STMN2: variants seen among roughly 807,000 people sequenced by gnomAD.
STMN2 encodes stathmin-2.
A neutral mutation model predicts 24.1 loss-of-function variants in STMN2; 2 were observed. The observed-to-expected ratio is 0.08, with a 90% confidence interval of 0.03 to 0.26. The LOEUF (loss-of-function observed/expected upper bound fraction) is 0.26, where lower values mean the gene tolerates loss of function less well. Among genes scored for constraint, STMN2 ranks in the 10% least tolerant of loss-of-function variants. STMN2 has a pLI of 1.00. For synonymous variants in STMN2, 83 were observed against 77.5 expected (o/e 1.07, Z -0.37); for missense variants, 114 against 213.6 (o/e 0.53, Z 2.91).
chr8:79,640,809 T>C (rs904360690), intron 2 of STMN2, among the ~76,000 whole-genome samples: 1 of 152,222 alleles, frequency 6.6e-6, no homozygotes, highest in African/African-American at 2.4e-5. Flanking sequence ...TTGCCAAATA[T>C]GCCCAACTGT....
intron 3 of STMN2, among the ~76,000 whole-genome samples, chr8:79,649,080 T>C (rs1585903799): frequency 6.6e-6 from 1 of 152,296 alleles, no homozygotes; most frequent in East Asian, 1.9e-4. Flanking sequence ...TAAAAGTAGA[T>C]CATTAGTCAC....
chr8:79,656,106 T>C (rs1339934493), intron 4 of STMN2, among the ~76,000 whole-genome samples: 3 of 152,214 alleles, frequency 2.0e-5, no homozygotes, highest in Non-Finnish European at 2.9e-5. Flanking sequence ...GTTTTCATTC[T>C]CAGTCTCTGA....
intron 2 of STMN2, among the ~76,000 whole-genome samples, chr8:79,637,747 C>T (rs1810000099): frequency 6.6e-6 from 1 of 152,118 alleles, no homozygotes; most frequent in African/African-American, 2.4e-5. Context: ...TTCTATGTAT[C>T]CTAGATATCC....
intron 3 of STMN2, among the ~76,000 whole-genome samples, chr8:79,648,455 T>C (rs1230788526): frequency 1.4e-5 from 2 of 138,850 alleles, no homozygotes; most frequent in Non-Finnish European, 3.1e-5. Flanking sequence ...ATACGTTGCT[T>C]TTTTTTTTTT....
intron 1 of STMN2, among the ~76,000 whole-genome samples, chr8:79,615,095 C>T (rs1809353286): frequency 2.0e-5 from 3 of 152,196 alleles, no homozygotes; most frequent in Admixed American, 2.0e-4. Context: ...GAATACCTAG[C>T]AGTAGCTATC....
At chr8:79,633,812 T>A (rs1182976007) in intron 1 of STMN2, among the ~76,000 whole-genome samples, 1 of 152,228 alleles carries the variant, frequency 6.6e-6, no homozygotes, top group Non-Finnish European at 1.5e-5. Flanking sequence ...TAGTAATGAT[T>A]ACTCATTATA....
chr8:79,649,213 A>G (rs1269874967), intron 3 of STMN2, among the ~76,000 whole-genome samples: 4 of 152,028 alleles, frequency 2.6e-5, no homozygotes, highest in Non-Finnish European at 4.4e-5. Context: ...AAAGTACTGG[A>G]TTATTCACCG....
At chr8:79,638,092 G>C (rs562155503) in intron 2 of STMN2, among the ~76,000 whole-genome samples, 1 of 152,310 alleles carries the variant, frequency 6.6e-6, no homozygotes, top group South Asian at 2.1e-4. Flanking sequence ...TTTATTATTT[G>C]CTAGATGTAG....
intron 4 of STMN2, among the ~76,000 whole-genome samples, chr8:79,658,604 T>C (rs1386180996): frequency 6.6e-6 from 1 of 152,178 alleles, no homozygotes; most frequent in African/African-American, 2.4e-5. Context: ...GCGCCCACCC[T>C]TATGATAGCC....
At chr8:79,612,677 G>A (rs1483877596) in intron 1 of STMN2, among the ~76,000 whole-genome samples, 2 of 152,160 alleles carry the variant, frequency 1.3e-5, no homozygotes, top group Non-Finnish European at 2.9e-5. Flanking sequence ...GGGGCCTGGG[G>A]TCCTGTGGCA....
chr8:79,658,058 G>A (rs1008645847), intron 4 of STMN2, among the ~76,000 whole-genome samples: 2 of 152,204 alleles, frequency 1.3e-5, no homozygotes, highest in Admixed American at 1.3e-4. Flanking sequence ...GGGAGGCCAA[G>A]GCAAGAGAAT....
At chr8:79,619,587 C>T (rs1015031495) in intron 1 of STMN2, among the ~76,000 whole-genome samples, 6 of 152,100 alleles carry the variant, frequency 3.9e-5, no homozygotes, top group South Asian at 2.1e-4. Flanking sequence ...TCCAGACTCT[C>T]GGGAAGAACA....
intron 4 of STMN2, among the ~76,000 whole-genome samples, chr8:79,664,613 T>A (rs565385197): frequency 6.6e-6 from 1 of 152,310 alleles, no homozygotes; most frequent in South Asian, 2.1e-4. Flanking sequence ...AAAAACAGTG[T>A]TAAATATATT....
rs1563451863 is a variant in STMN2, at chr8:79,665,000, A to C, written c.*126A>C. The C allele has an allele frequency of 1.1e-6, 1 of 886,610 alleles. No individual in the cohort carries two copies. Among genetic ancestry groups the C allele is most frequent in the Non-Finnish European group, 1.5e-6 (1 of 658,594 alleles). 54.9% of individuals were successfully genotyped at this position (886,610 alleles called of 1,614,324 possible). ...AAAAGAACTCATTATAAAAAAAAAA[A>C]AACAAAAAAAATCAAAAATTAAAAA... is the stretch of plus-strand genomic sequence containing the variant. On this transcript the variant is annotated 3_prime_UTR_variant, in exon 5 of 5. Coordinates refer to ENST00000220876, the MANE Select transcript of STMN2 (RefSeq NM_007029.4).
chr8:79,647,811 C>A (rs1810249192), intron 3 of STMN2, among the ~76,000 whole-genome samples: 1 of 152,184 alleles, frequency 6.6e-6, no homozygotes, highest in Admixed American at 6.5e-5. Context: ...TCAGTTTGAA[C>A]CTCATCTCTT....
chr8:79,664,663 T>C (rs895595124), intron 4 of STMN2, 152 bp from the exon 5 acceptor site: 6 of 508,994 alleles, frequency 1.2e-5, no homozygotes, highest in Admixed American at 7.6e-5. Flanking sequence ...TTTTCTAACA[T>C]GACATTTTGC....
At chr8:79,656,354 C>T (rs1044260686) in intron 4 of STMN2, among the ~76,000 whole-genome samples, 3 of 152,022 alleles carry the variant, frequency 2.0e-5, no homozygotes, top group African/African-American at 4.8e-5. Flanking sequence ...CATGAAAGTT[C>T]GGATTAAATT....
intron 1 of STMN2, among the ~76,000 whole-genome samples, chr8:79,622,449 T>A (rs1252025292): frequency 6.6e-6 from 1 of 152,226 alleles, no homozygotes; most frequent in Non-Finnish European, 1.5e-5. Context: ...GAGGAAATGA[T>A]TACTGCTTAA....
chr8:79,641,611 C>A, intron 3 of STMN2, 61 bp downstream of exon 3: 1 of 1,358,310 alleles, frequency 7.4e-7, no homozygotes. Context: ...CTCTCACACA[C>A]TCGGGCACAC....
Sources: allele counts gnomAD v4.1 joint callset (sites outside exome capture counted in the v4.1 genomes callset), GRCh38; gene constraint gnomAD v4.1.1; transcripts MANE v1.5; gene names NCBI Gene and HGNC (gene_info 2026-07-23, HGNC 2026-07-21).